The following PTPRG variants were observed in gnomAD, a reference collection of about 807,000 sequenced individuals.
PTPRG encodes the protein receptor-type tyrosine-protein phosphatase gamma.
PTPRG carries 102 observed loss-of-function variants against 165.3 expected under a neutral mutation model. The ratio of observed to expected loss-of-function variants is 0.62; its 90% CI spans 0.53 to 0.73. The LOEUF is 0.73. PTPRG is among the 30% of genes least tolerant of loss of function. PTPRG has a pLI of 0.00. For missense variants in PTPRG, 1,866 were observed against 1,861.4 expected (o/e 1.00, Z -0.05); for synonymous variants, 675 against 669.5 (o/e 1.01, Z -0.13).
At chr3:61,580,006 G>A (rs1700251017) in intron 1 of PTPRG, among the ~76,000 whole-genome samples, 3 of 152,124 alleles carry the variant, frequency 2.0e-5, no homozygotes, top group African/African-American at 7.2e-5. Flanking sequence ...ATGTAGCTGA[G>A]AAATATTGAA....
chr3:62,201,269 C>G (rs778624175), intron 10 of PTPRG, among the ~76,000 whole-genome samples: 18 of 152,320 alleles, frequency 1.2e-4, no homozygotes, highest in Non-Finnish European at 1.5e-4. Context: ...TAACTAATAG[C>G]TTAAGACAGG....
chr3:61,702,458 C>A (rs905776426), intron 1 of PTPRG, among the ~76,000 whole-genome samples: 4 of 152,142 alleles, frequency 2.6e-5, no homozygotes, highest in Non-Finnish European at 5.9e-5. Context: ...GGGAGAGTTA[C>A]ATTTTTACAA....
At chr3:61,833,246 A>G (rs2036360422) in intron 2 of PTPRG, among the ~76,000 whole-genome samples, 1 of 152,198 alleles carries the variant, frequency 6.6e-6, no homozygotes, top group African/African-American at 2.4e-5. Context: ...CCCTAAATAT[A>G]TACTATAGGA....
intron 4 of PTPRG, among the ~76,000 whole-genome samples, chr3:62,015,472 T>G (rs2041521851): frequency 6.6e-6 from 1 of 152,216 alleles, no homozygotes; most frequent in South Asian, 2.1e-4. Flanking sequence ...CATCTCAGTT[T>G]CCTAACTTAT....
intron 1 of PTPRG, among the ~76,000 whole-genome samples, chr3:61,655,601 CT>C (rs1311338041): frequency 6.6e-6 from 1 of 151,878 alleles, no homozygotes; most frequent in Non-Finnish European, 1.5e-5. Context: ...GGCTCTTTTA[CT>C]TTGTATTTTT....
At chr3:61,942,621 A>G (rs2039659316) in intron 2 of PTPRG, among the ~76,000 whole-genome samples, 1 of 152,212 alleles carries the variant, frequency 6.6e-6, no homozygotes, top group Admixed American at 6.5e-5. Flanking sequence ...TTTTTAAGAG[A>G]TGAAGAAACT....
At chr3:61,893,443 C>CAG (rs1192932090) in intron 2 of PTPRG, among the ~76,000 whole-genome samples, 1 of 152,144 alleles carries the variant, frequency 6.6e-6, no homozygotes, top group Non-Finnish European at 1.5e-5. Flanking sequence ...AAAGTAGATC[C>CAG]AGAGTGATTA....
intron 2 of PTPRG, among the ~76,000 whole-genome samples, chr3:61,805,905 A>G (rs181921364): frequency 2.4e-4 from 37 of 152,298 alleles, no homozygotes; most frequent in African/African-American, 8.7e-4. Context: ...TTTGCAAAAT[A>G]TGACTTGACC....
At chr3:62,127,102 G>A (rs1392079944) in intron 5 of PTPRG, among the ~76,000 whole-genome samples, 1 of 152,232 alleles carries the variant, frequency 6.6e-6, no homozygotes, top group African/African-American at 2.4e-5. Context: ...TGCTAAAATT[G>A]TCTTCTTGAA....
chr3:62,060,144 C>T (rs979371774), intron 4 of PTPRG, among the ~76,000 whole-genome samples: 1 of 148,516 alleles, frequency 6.7e-6, no homozygotes, highest in Non-Finnish European at 1.5e-5. Context: ...CCCAGGAGGT[C>T]GAGGCTGCAG....
intron 1 of PTPRG, among the ~76,000 whole-genome samples, chr3:61,630,171 G>T (rs1411226485): frequency 1.3e-5 from 2 of 152,208 alleles, no homozygotes; most frequent in Non-Finnish European, 2.9e-5. Flanking sequence ...AAAATAAAAT[G>T]ATGGGGTGAG....
At chr3:61,702,873 T>G (rs1341548788) in intron 1 of PTPRG, among the ~76,000 whole-genome samples, 1 of 152,266 alleles carries the variant, frequency 6.6e-6, no homozygotes, top group Non-Finnish European at 1.5e-5. Flanking sequence ...GCCAGTTTTC[T>G]TCTTGTTAGA....
intron 3 of PTPRG, among the ~76,000 whole-genome samples, chr3:61,996,942 C>A (rs1253074300): frequency 6.6e-6 from 1 of 152,194 alleles, no homozygotes; most frequent in Admixed American, 6.5e-5. Context: ...TCTGTGTAGA[C>A]AGAAGCCTCA....
chr3:61,974,571 T>A (rs561119430), intron 2 of PTPRG, among the ~76,000 whole-genome samples: 63 of 151,982 alleles, frequency 4.1e-4, no homozygotes, highest in East Asian at 3.5e-3. Context: ...AATTTTTTTT[T>A]AAATATGTCC....
At position 61,759,105 on chromosome 3, in the gene PTPRG, G is replaced by A. The variant is rs796615703; in HGVS notation, c.190+10123G>A. Among the ~76,000 whole-genome samples, 8 of 152,204 alleles carry A rather than the reference G, an allele frequency of 5.3e-5. 1 individual carries two copies. The highest frequency in any genetic ancestry group is 1.9e-4 in the African/African-American group (8 of 41,528). On this transcript the variant is annotated intron_variant, in intron 2 of 29. Transcript: ENST00000474889. ...TGACCATCACTTCTCTCTCTCAGCT[G>A]GTAATCTCCTATGACCCTGTTTGAG...
chr3:61,578,300 TGACA>T (rs1700212409), intron 1 of PTPRG, among the ~76,000 whole-genome samples: 1 of 152,234 alleles, frequency 6.6e-6, no homozygotes, highest in African/African-American at 2.4e-5. Flanking sequence ...GGAAGCTTCT[TGACA>T]GACTGATATA....
intron 5 of PTPRG, among the ~76,000 whole-genome samples, chr3:62,097,103 C>T (rs1048850202): frequency 2.6e-5 from 4 of 151,888 alleles, no homozygotes; most frequent in African/African-American, 7.3e-5. Flanking sequence ...ACTATTATCA[C>T]GCGCTTAAGC....
intron 1 of PTPRG, among the ~76,000 whole-genome samples, chr3:61,713,897 A>G (rs1266109342): frequency 6.6e-6 from 1 of 152,256 alleles, no homozygotes; most frequent in African/African-American, 2.4e-5. Context: ...TTAAAAAGGC[A>G]TTAAAGCATT....
In PTPRG at chr3:62,267,767, A is replaced by G. The variant is rs1447692221; in HGVS notation, c.2822A>G (p.Glu941Gly). The G allele has an allele frequency of 6.2e-7, 1 of 1,613,562 alleles. No individual in the cohort carries two copies. Among genetic ancestry groups the G allele is most frequent in the Non-Finnish European group, 8.5e-7 (1 of 1,179,564 alleles). The change falls in exon 19 of 30, where the codon GAA becomes GGA. Residue 941 changes from glutamate (E) to glycine (G), a missense_variant. Physicochemically the swap from Glu to Gly is moderately conservative, Grantham distance 98. Transcript: ENST00000474889. ...GAAGATTTCTGGAGGATGATTTGGG[A>G]ACAAAACACTGGAATCATTGTGATG... ...TFEDFWRMIW[E>G]QNTGIIVMIT... is the part of the protein sequence containing the mutation.
Sources: gnomAD v4.1 joint callset for allele counts (sites outside exome capture counted in the v4.1 genomes callset) on GRCh38, gnomAD v4.1.1 for gene constraint, MANE v1.5 for transcripts, NCBI Gene and HGNC (gene_info 2026-07-23, HGNC 2026-07-21) for gene names.